Variants in CCDC3 observed in about 807,000 individuals in gnomAD.
CCDC3 encodes coiled-coil domain-containing protein 3.
Under a neutral mutation model 21.4 loss-of-function variants are expected in CCDC3, and 24 were observed. The observed-to-expected ratio is 1.12, with a 90% CI of 0.81 to 1.58. CCDC3 has a LOEUF of 1.58. Ranked by LOEUF, CCDC3 falls within the 40% of genes most tolerant of loss-of-function variation. CCDC3 has a pLI of 0.00. For missense variants in CCDC3, 425 were observed against 360.9 expected, an observed-to-expected ratio of 1.18 and a Z score of -1.44; for synonymous variants, 186 against 166.0, an observed-to-expected ratio of 1.12 and a Z score of -0.93.
intron 2 of CCDC3, among the ~76,000 whole-genome samples, chr10:12,949,449 C>T (rs1005087187): frequency 2.0e-5 from 3 of 152,164 alleles, no homozygotes; most frequent in Admixed American, 6.5e-5. Context: ...AACTTAGCCA[C>T]GGAGGCCATG....
At position 12,998,002 on chromosome 10, in the gene CCDC3, G is replaced by A. The variant is rs542707699; in HGVS notation, c.549+336C>T. Among the ~76,000 whole-genome samples the A allele has an allele frequency of 9.2e-5, 14 of 152,296 alleles. No individual in the cohort carries two copies. The South Asian group carries it at 2.3e-3, about 25-fold the overall frequency. The stretch of plus-strand genomic sequence containing the variant: ...GGCCACATTCAAACTGTCCTGGGCT[G>A]CAGGTTGGACAAGCCTGATATAGAT... On this transcript the variant is annotated intron_variant, in intron 2 of 2. Coordinates refer to ENST00000378825, the MANE Select transcript of CCDC3 (RefSeq NM_031455.4).
intron 2 of CCDC3, among the ~76,000 whole-genome samples, chr10:12,912,685 G>T (rs1308269836): frequency 6.6e-6 from 1 of 152,032 alleles, no homozygotes; most frequent in Non-Finnish European, 1.5e-5. Context: ...AAAAATGATT[G>T]CCCAGACCAA....
Position 12,900,559 on chromosome 10 carries a change from C to T in CCDC3, c.550-1880G>A, listed in dbSNP as rs374980361. ...AAAAAAAAAAAGCCGGGCGTCGTGG[C>T]GGGTGCCTGTAGTCCCAGCTACTCG... On this transcript the variant is annotated intron_variant, in intron 2 of 2. Transcript: ENST00000378825. 7.7e-5 allele frequency among the ~76,000 whole-genome samples: 11 copies of T among 143,644 alleles called. No individual in the cohort carries two copies. The East Asian group carries it at 8.2e-4, about 11-fold the overall frequency. 94.2% of individuals were successfully genotyped at this position (143,644 alleles called of 152,430 possible). A position where few individuals can be genotyped will look rare whatever the true frequency, so the allele number is the denominator to read the frequency against.
chr10:13,052,737 C>T (rs1037801050), intron 4 of CCDC3, among the ~76,000 whole-genome samples: 1 of 151,966 alleles, frequency 6.6e-6, no homozygotes, highest in African/African-American at 2.4e-5. Flanking sequence ...GCCAGGAGTT[C>T]GAGACCAGCC....
At chr10:13,034,917 T>C (rs1053881450) in intron 5 of CCDC3, among the ~76,000 whole-genome samples, 2 of 151,902 alleles carry the variant, frequency 1.3e-5, no homozygotes, top group African/African-American at 4.8e-5. Flanking sequence ...TCCCAGCTAC[T>C]TGGGAGGCTG....
At chr10:12,915,238 A>G (rs966382236) in intron 2 of CCDC3, among the ~76,000 whole-genome samples, 4 of 152,140 alleles carry the variant, frequency 2.6e-5, no homozygotes, top group African/African-American at 9.7e-5. Context: ...GGATTTCAGA[A>G]TTTTTAAATT....
rs1836335298 is a variant in CCDC3, at chr10:13,033,669, A to C, written c.-2+16005T>G. Among the ~76,000 whole-genome samples, 7 of 152,350 alleles carry C rather than the reference A, an allele frequency of 4.6e-5. No homozygotes were observed. The South Asian group carries it at 1.4e-3, about 32-fold the overall frequency. The stretch of plus-strand genomic sequence containing the variant: ...AGAAAAAAGCAAACAACCCCATCAA[A>C]AAGTGGGCAAAGGATATGAACAGAC... On this transcript the variant is annotated intron_variant, in intron 5 of 6. Coordinates refer to the CCDC3 transcript ENST00000378839.
At position 13,001,218 on chromosome 10, in the gene CCDC3, T is replaced by C. The variant is rs747615388; in HGVS notation, c.353A>G (p.Tyr118Cys). Residue 118 changes from tyrosine to cysteine, a missense_variant, in exon 1 of 3, where the codon TAC becomes TGC. Tyr to Cys is a radical substitution (Grantham distance 194). Transcript: ENST00000378825. ...TCACCTGAGGAAGAAGAAATAGGAG[T>C]AGTCCTGGACCACGGTGTGGGAGTG... Reference protein sequence around the residue: ...SCHSHTVVQDYSYFFFLRMDE... With the variant: ...SCHSHTVVQDCSYFFFLRMDE... The C allele has an allele frequency of 4.5e-6, 7 of 1,558,612 alleles. No individual in the cohort carries two copies. Among genetic ancestry groups the C allele is most frequent in the Non-Finnish European group, 6.1e-6 (7 of 1,152,382 alleles).
chr10:12,914,352 A>C (rs1834316614), intron 2 of CCDC3, among the ~76,000 whole-genome samples: 1 of 152,040 alleles, frequency 6.6e-6, no homozygotes, highest in Non-Finnish European at 1.5e-5. Flanking sequence ...AAGTTATCTA[A>C]TTTGTTGGCA....
chr10:12,957,877 G>A (rs902257125), intron 2 of CCDC3, among the ~76,000 whole-genome samples: 2 of 152,102 alleles, frequency 1.3e-5, no homozygotes, highest in Non-Finnish European at 1.5e-5. Flanking sequence ...AAGGAGCCTC[G>A]CTCTGTTGCC....
intron 3 of CCDC3, among the ~76,000 whole-genome samples, chr10:13,091,300 T>G (rs1319132866): frequency 6.6e-6 from 1 of 152,078 alleles, no homozygotes; most frequent in African/African-American, 2.4e-5. Context: ...TCACAGGAGG[T>G]GAAGCCTTTT....
chr10:13,047,855 G>A (rs1020894081), intron 5 of CCDC3, among the ~76,000 whole-genome samples: 1 of 152,170 alleles, frequency 6.6e-6, no homozygotes, highest in South Asian at 2.1e-4. Flanking sequence ...GGTTAGGGAC[G>A]CGCCGGAAGA....
chr10:13,099,483 C>A (rs1425995430), intron 1 of CCDC3: 2 of 147,608 alleles, frequency 1.4e-5, no homozygotes, highest in Admixed American at 6.8e-5. Flanking sequence ...TCTGGATGCA[C>A]ATAGGGCGGC....
At chr10:13,050,362 A>C (rs1405545174) in intron 4 of CCDC3, among the ~76,000 whole-genome samples, 3 of 152,146 alleles carry the variant, frequency 2.0e-5, no homozygotes, top group Non-Finnish European at 2.9e-5. Flanking sequence ...TAAATACCTA[A>C]ATAAGCCATA....
intron 5 of CCDC3, among the ~76,000 whole-genome samples, chr10:13,047,058 T>C (rs1283758161): frequency 6.6e-6 from 1 of 152,166 alleles, no homozygotes; most frequent in South Asian, 2.1e-4. Context: ...AGGGATGTTT[T>C]GCATTTATGA....
At chr10:13,029,419 G>A (rs956326536) in intron 5 of CCDC3, among the ~76,000 whole-genome samples, 1 of 152,100 alleles carries the variant, frequency 6.6e-6, no homozygotes, top group Non-Finnish European at 1.5e-5. Context: ...CTAAAAACCG[G>A]AACGCCTCTT....
At chr10:12,953,933 T>C (rs949951476) in intron 2 of CCDC3, among the ~76,000 whole-genome samples, 10 of 152,144 alleles carry the variant, frequency 6.6e-5, no homozygotes, top group African/African-American at 2.4e-4. Flanking sequence ...CAACCATGAC[T>C]CTGTAGCACA....
intron 2 of CCDC3, among the ~76,000 whole-genome samples, chr10:12,954,563 A>T (rs1835055655): frequency 6.6e-6 from 1 of 152,200 alleles, no homozygotes; most frequent in Non-Finnish European, 1.5e-5. Context: ...TGGAAGGTGA[A>T]GGGAAGCTGG....
At chr10:13,041,591 T>C (rs1836457188) in intron 5 of CCDC3, among the ~76,000 whole-genome samples, 1 of 133,352 alleles carries the variant, frequency 7.5e-6, no homozygotes, top group Non-Finnish European at 1.5e-5. Context: ...AATGGTGCAA[T>C]CTCGGCTGAC....
Sources: gnomAD v4.1 joint callset for allele counts (sites outside exome capture counted in the v4.1 genomes callset) on GRCh38, gnomAD v4.1.1 for gene constraint, MANE v1.5 for transcripts, NCBI Gene and HGNC (gene_info 2026-07-23, HGNC 2026-07-21) for gene names.